EXTL3: variants seen among roughly 807,000 people sequenced by gnomAD.
EXTL3 encodes exostosin like glycosyltransferase 3.
EXTL3 carries 27 observed loss-of-function variants against 69.3 expected under a neutral mutation model. The ratio of observed to expected loss-of-function variants is 0.39; its 90% CI spans 0.29 to 0.54. EXTL3 has a LOEUF of 0.54. Among genes scored for constraint, EXTL3 ranks in the 20% least tolerant of loss-of-function variants. The pLI is 0.69. For synonymous variants in EXTL3, 511 were observed against 499.4 expected, an observed-to-expected ratio of 1.02 and a Z score of -0.31; for missense variants, 1,003 against 1,231.8, an observed-to-expected ratio of 0.81 and a Z score of 2.78.
intron 1 of EXTL3, among the ~76,000 whole-genome samples, chr8:28,680,476 G>A (rs1377602171): frequency 2.0e-5 from 3 of 151,000 alleles, no homozygotes; most frequent in Non-Finnish European, 4.4e-5. Flanking sequence ...TAAAAGTTGT[G>A]TATATTTACA....
In EXTL3 at chr8:28,716,420, A is replaced by G. The variant is rs1801148251; in HGVS notation, c.361A>G (p.Ile121Val). 11 of 1,613,870 alleles carry G rather than the reference A, an allele frequency of 6.8e-6. No homozygotes were observed. The highest frequency in any genetic ancestry group is 9.3e-6 in the Non-Finnish European group (11 of 1,179,960). ...GAAGATCGAAGCCTGTAAGAAGAGC[A>G]TTGAGAACGCCAAGCAGGACCTGCT... ...NLKIEACKKSIENAKQDLLQL... is the reference protein window; with the variant it reads ...NLKIEACKKSVENAKQDLLQL... Residue 121 changes from isoleucine to valine, a missense_variant, in exon 3 of 7, where the codon ATT becomes GTT. By Grantham distance (29) the Ile-to-Val change is conservative (BLOSUM62 3). Coordinates refer to ENST00000220562, the MANE Select transcript of EXTL3 (RefSeq NM_001440.4). The surrounding 1 kb of genome is among the most constrained non-coding windows in gnomAD (Gnocchi z 7.1).
intron 1 of EXTL3, among the ~76,000 whole-genome samples, chr8:28,669,407 T>G (rs1254053144): frequency 1.1e-4 from 16 of 152,250 alleles, no homozygotes; most frequent in Admixed American, 9.8e-4. Context: ...TGCTCTTTCA[T>G]GCCTATCAAA....
intron 1 of EXTL3, among the ~76,000 whole-genome samples, chr8:28,690,538 T>C (rs1004342579): frequency 6.6e-6 from 1 of 152,182 alleles, no homozygotes; most frequent in Non-Finnish European, 1.5e-5. Flanking sequence ...TGTAGTAAAC[T>C]TGTGTCATGG....
intron 1 of EXTL3, among the ~76,000 whole-genome samples, chr8:28,652,288 C>T (rs1352649912): frequency 2.6e-5 from 4 of 152,032 alleles, no homozygotes; most frequent in South Asian, 2.1e-4. Context: ...GTGGTTGCGT[C>T]GCTACATTCC....
At position 28,716,336 on chromosome 8, in the gene EXTL3, C is replaced by G; in HGVS notation, c.277C>G (p.Leu93Val). 1 of 1,614,136 alleles carries G rather than the reference C, an allele frequency of 6.2e-7. No individual in the cohort carries two copies. The highest frequency in any genetic ancestry group is 8.5e-7 in the Non-Finnish European group (1 of 1,180,044). Residue 93 changes from leucine to valine, a missense_variant, in exon 3 of 7, where the codon CTC becomes GTC. This residue lies in a region of EXTL3 where 742 missense variants were observed against 815.4 expected (regional missense o/e 0.91). Coordinates refer to ENST00000220562, the MANE Select transcript of EXTL3 (RefSeq NM_001440.4). The surrounding 1 kb of genome is among the most constrained non-coding windows in gnomAD (Gnocchi z 7.1). ...CATCCGGGAGTCGGTGAGTGAAGAG[C>G]TCCTGCAGCTGGAGGCCAAGCGCCA... ...CRIRESVSEE[L>V]LQLEAKRQEL...
chr8:28,669,329 A>C (rs1807249396), intron 1 of EXTL3, among the ~76,000 whole-genome samples: 1 of 152,234 alleles, frequency 6.6e-6, no homozygotes, highest in Non-Finnish European at 1.5e-5. Flanking sequence ...TTAATGGCAT[A>C]ATTATTGCAG....
intron 2 of EXTL3, among the ~76,000 whole-genome samples, chr8:28,608,378 A>G (rs931681512): frequency 3.9e-5 from 6 of 152,028 alleles, no homozygotes; most frequent in Admixed American, 2.6e-4. Context: ...ACACTCCCCC[A>G]AGATAAGGCT....
At chr8:28,613,847 ATT>A (rs35761066) in intron 2 of EXTL3, among the ~76,000 whole-genome samples, 1 of 146,634 alleles carries the variant, frequency 6.8e-6, no homozygotes, top group Admixed American at 6.8e-5. Flanking sequence ...TCACAGGTGT[ATT>A]TTTTTTTTTT....
At chr8:28,624,345 C>A (rs952950163) in intron 1 of EXTL3, among the ~76,000 whole-genome samples, 2 of 152,192 alleles carry the variant, frequency 1.3e-5, no homozygotes, top group Admixed American at 6.5e-5. Context: ...GGGAGGATTG[C>A]TTGAGCTCAA....
At chr8:28,738,569 G>T (rs1245966394) in intron 5 of EXTL3, among the ~76,000 whole-genome samples, 1 of 152,078 alleles carries the variant, frequency 6.6e-6, no homozygotes, top group Non-Finnish European at 1.5e-5. Flanking sequence ...CTCCTGAAGT[G>T]TTCCCGGGCC....
At position 28,623,226 on chromosome 8, in the gene EXTL3, C is replaced by G. The variant is rs1806441955; in HGVS notation, c.-53+416C>G. ...GGTACGGGGTAAGCGGCATCTGCCA[C>G]GCGCCCGCCTCGCGCGCTGTCAGGA... On this transcript the variant is annotated intron_variant, in intron 1 of 6. Transcript: ENST00000523149. The surrounding 1 kb of genome is among the most constrained non-coding windows in gnomAD (Gnocchi z 4.2). Among the ~76,000 whole-genome samples the G allele has an allele frequency of 6.6e-6, 1 of 152,136 alleles. No individual in the cohort carries two copies. Among genetic ancestry groups the G allele is most frequent in the Non-Finnish European group, 1.5e-5 (1 of 68,022 alleles).
rs755659488 is a variant in EXTL3, at chr8:28,718,122, A to T, written c.2063A>T (p.Tyr688Phe). 1.2e-6 allele frequency: 2 copies of T among 1,614,046 alleles called. No individual in the cohort carries two copies. The highest frequency in any genetic ancestry group is 2.2e-5 in the South Asian group (2 of 91,056). ...TTAGAGAGGCTGAATGGCCTCCCTT[A>T]CCTGAACAAGGTCGTGGTGGTGTGG... is the stretch of plus-strand genomic sequence containing the variant. The part of the protein sequence containing the change: ...NSLERLNGLP[Y>F]LNKVVVVWNS... The change falls in exon 3 of 7, where the codon TAC (tyrosine) becomes TTC (phenylalanine). Residue 688 changes from tyrosine to phenylalanine, a missense_variant. By Grantham distance (22) the Tyr-to-Phe change is conservative. Around this residue, in one of 2 missense-constraint regions of EXTL3, gnomAD observed 261 missense variants for 416.4 expected, o/e 0.63. Transcript: ENST00000220562.
intron 3 of EXTL3, among the ~76,000 whole-genome samples, chr8:28,718,652 A>G (rs905866636): frequency 1.3e-5 from 2 of 152,228 alleles, no homozygotes; most frequent in African/African-American, 4.8e-5. Flanking sequence ...GCCCAAGATC[A>G]TGGTGAGTAA....
At chr8:28,647,641 C>T (rs1367205913) in intron 1 of EXTL3, among the ~76,000 whole-genome samples, 1 of 152,134 alleles carries the variant, frequency 6.6e-6, no homozygotes, top group Non-Finnish European at 1.5e-5. Flanking sequence ...CGCTTTCAGC[C>T]TCTGTGTGAG....
At chr8:28,737,788 A>C in intron 5 of EXTL3, 125 bp downstream of exon 5, 1 of 1,124,144 alleles carries the variant, frequency 8.9e-7, no homozygotes, top group Non-Finnish European at 1.3e-6. Flanking sequence ...GCTAGAAGTC[A>C]GTTTTTTCTA....
intron 3 of EXTL3, among the ~76,000 whole-genome samples, chr8:28,727,552 G>A (rs543562367): frequency 1.3e-5 from 2 of 152,198 alleles, no homozygotes; most frequent in Admixed American, 6.5e-5. Context: ...CTTGTTTTTC[G>A]TTTTCAGGTG....
chr8:28,617,366 C>T (rs1266610817), intron 2 of EXTL3, among the ~76,000 whole-genome samples: 1 of 152,028 alleles, frequency 6.6e-6, no homozygotes, highest in Non-Finnish European at 1.5e-5. Context: ...ACATTATTCA[C>T]GATAGCCAAA....
intron 4 of EXTL3, among the ~76,000 whole-genome samples, chr8:28,736,264 A>G (rs1801650528): frequency 6.6e-6 from 1 of 152,198 alleles, no homozygotes; most frequent in East Asian, 1.9e-4. Flanking sequence ...ATTAGATTAG[A>G]TGCTTCTAGA....
chr8:28,687,954 CATATT>C (rs2130671870), intron 1 of EXTL3, among the ~76,000 whole-genome samples: 1 of 151,754 alleles, frequency 6.6e-6, no homozygotes, highest in South Asian at 2.1e-4. Flanking sequence ...TCTATAACCT[CATATT>C]AGAAGTGATC....
Sources: allele counts gnomAD v4.1 joint callset (sites outside exome capture counted in the v4.1 genomes callset), GRCh38; gene constraint gnomAD v4.1.1; regional missense constraint gnomAD v4.1.1; non-coding constraint Gnocchi (gnomAD v3.1); transcripts MANE v1.5; gene names NCBI Gene and HGNC (gene_info 2026-07-23, HGNC 2026-07-21).